Variants in GTF2E1 observed in about 807,000 individuals in gnomAD.
GTF2E1 encodes the protein TFIIE alpha subunit.
In GTF2E1, 14 loss-of-function variants were observed where a neutral mutation model predicts 34.9. That is an observed-to-expected ratio of 0.40 (90% CI 0.27 to 0.63). The LOEUF (loss-of-function observed/expected upper bound fraction) is 0.63, where lower values mean the gene tolerates loss of function less well. GTF2E1 is among the 20% of genes least tolerant of loss of function. GTF2E1 has a pLI of 0.39. For missense variants in GTF2E1, 469 were observed against 557.7 expected (o/e 0.84, Z 1.60); for synonymous variants, 188 against 192.9 (o/e 0.97, Z 0.21).
intron 2 of GTF2E1, among the ~76,000 whole-genome samples, chr3:120,759,181 A>AT (rs781227802): frequency 3.9e-5 from 6 of 152,222 alleles, no homozygotes; most frequent in Non-Finnish European, 5.9e-5. Flanking sequence ...GATGATGAGC[A>AT]TTTTTTCATA....
At chr3:120,743,273 G>GTT (rs1243714701) in intron 1 of GTF2E1, among the ~76,000 whole-genome samples, 1 of 152,162 alleles carries the variant, frequency 6.6e-6, no homozygotes, top group African/African-American at 2.4e-5. Context: ...CACTTTTCTT[G>GTT]TTTTTTTCTC....
intron 4 of GTF2E1, among the ~76,000 whole-genome samples, chr3:120,780,571 TG>T (rs1277872585): frequency 6.6e-6 from 1 of 152,200 alleles, no homozygotes; most frequent in Non-Finnish European, 1.5e-5. Flanking sequence ...CCAGATGATG[TG>T]GGACCCTATA....
intron 3 of GTF2E1, among the ~76,000 whole-genome samples, chr3:120,772,242 A>G (rs536804957): frequency 4.7e-4 from 72 of 152,248 alleles, no homozygotes; most frequent in Admixed American, 1.4e-3. Flanking sequence ...ACTGGCTGCA[A>G]TTGTTTTATA....
At chr3:120,752,614 C>T (rs1316292072) in intron 2 of GTF2E1, among the ~76,000 whole-genome samples, 1 of 152,090 alleles carries the variant, frequency 6.6e-6, no homozygotes, top group Non-Finnish European at 1.5e-5. Context: ...TGAATTTCAC[C>T]TGGATTCTGA....
At position 120,751,003 on chromosome 3, in the gene GTF2E1, G is replaced by T. The variant is rs2107605562; in HGVS notation, c.448+3G>T. On this transcript the variant is annotated splice_donor_region_variant and intron_variant, in intron 2 of 4. Coordinates refer to ENST00000283875, the MANE Select transcript of GTF2E1 (RefSeq NM_005513.3). Reference sequence around the variant, plus strand: ...TCAGCTCTTTGATCCTATGACAGGTGAGGTTTATCCAGTTTGTGAATCTTT... The same window carrying T: ...TCAGCTCTTTGATCCTATGACAGGTTAGGTTTATCCAGTTTGTGAATCTTT... 6.3e-7 allele frequency: 1 copy of T among 1,589,678 alleles called. No homozygotes were observed. Among genetic ancestry groups the T allele is most frequent in the East Asian group, 2.2e-5 (1 of 44,702 alleles).
intron 4 of GTF2E1, among the ~76,000 whole-genome samples, chr3:120,780,246 A>AG (rs1218972582): frequency 1.3e-5 from 2 of 152,216 alleles, no homozygotes; most frequent in Non-Finnish European, 2.9e-5. Context: ...ATCCTTGGAA[A>AG]GGGGGTGACA....
At chr3:120,770,690 GTCT>G in intron 2 of GTF2E1, 35 bp from the exon 3 acceptor site, 1 of 1,466,116 alleles carries the variant, frequency 6.8e-7, no homozygotes, top group East Asian at 2.3e-5. Flanking sequence ...ATCTGCTAAA[GTCT>G]TCTCTCTGAC....
chr3:120,756,276 T>C lies in GTF2E1; in HGVS notation c.448+5276T>C, dbSNP rs1023704443. Reference sequence around the variant, plus strand: ...TCCACGTTCTTGCCAGCATTTGTTATTGCCAGGACAGGAGGTATCTTATAA... The same window carrying C: ...TCCACGTTCTTGCCAGCATTTGTTACTGCCAGGACAGGAGGTATCTTATAA... On this transcript the variant is annotated intron_variant, in intron 2 of 4. Transcript: ENST00000283875. 1.2e-4 allele frequency among the ~76,000 whole-genome samples: 18 copies of C among 152,184 alleles called. No individual in the cohort carries two copies. In the South Asian group the frequency reaches 1.2e-3, roughly 10 times the overall value.
At chr3:120,758,569 C>T (rs1020039315) in intron 2 of GTF2E1, among the ~76,000 whole-genome samples, 7 of 121,086 alleles carry the variant, frequency 5.8e-5, no homozygotes, top group African/African-American at 1.8e-4. Context: ...TAATCCCTCC[C>T]CCAGCCTCCC....
intron 2 of GTF2E1, among the ~76,000 whole-genome samples, chr3:120,761,286 T>G (rs1324380145): frequency 6.6e-6 from 1 of 152,232 alleles, no homozygotes; most frequent in Non-Finnish European, 1.5e-5. Flanking sequence ...CGTTTTTTAT[T>G]GCATCTATTT....
At chr3:120,748,683 G>T (rs1021605986) in intron 1 of GTF2E1, among the ~76,000 whole-genome samples, 1 of 152,178 alleles carries the variant, frequency 6.6e-6, no homozygotes, top group Non-Finnish European at 1.5e-5. Context: ...GTCAGGTAGC[G>T]TGATGCCTCC....
chr3:120,773,166 T>C (rs1173910059), intron 3 of GTF2E1, among the ~76,000 whole-genome samples: 1 of 152,056 alleles, frequency 6.6e-6, no homozygotes, highest in Non-Finnish European at 1.5e-5. Context: ...ACCATTAGGT[T>C]AGAAGATGTT....
chr3:120,763,724 A>T (rs2107609617), intron 2 of GTF2E1, among the ~76,000 whole-genome samples: 1 of 152,218 alleles, frequency 6.6e-6, no homozygotes, highest in South Asian at 2.1e-4. Context: ...GCATGCCATT[A>T]TCTCTTGCTT....
At chr3:120,747,861 A>C (rs981856423) in intron 1 of GTF2E1, among the ~76,000 whole-genome samples, 2 of 152,158 alleles carry the variant, frequency 1.3e-5, no homozygotes, top group Non-Finnish European at 2.9e-5. Flanking sequence ...TATAGTCCCA[A>C]CAACAGTGTA....
chr3:120,764,978 G>A (rs73183720), intron 2 of GTF2E1, among the ~76,000 whole-genome samples: 3,190 of 146,762 alleles, frequency 0.022, 52 homozygotes, highest in Middle Eastern at 0.055. Flanking sequence ...TTCAAATTTC[G>A]CTGAGCATTA....
intron 1 of GTF2E1, among the ~76,000 whole-genome samples, chr3:120,747,546 A>G (rs955611966): frequency 1.1e-4 from 16 of 152,160 alleles, no homozygotes; most frequent in East Asian, 1.9e-4. Flanking sequence ...ATGGTTTCCA[A>G]TTTCATCCAT....
intron 4 of GTF2E1, among the ~76,000 whole-genome samples, chr3:120,779,245 A>G (rs1326096033): frequency 6.6e-6 from 1 of 152,210 alleles, no homozygotes; most frequent in African/African-American, 2.4e-5. Context: ...TCCCTAATTT[A>G]ATACTTAAAC....
chr3:120,760,660 T>C (rs1216352494), intron 2 of GTF2E1, among the ~76,000 whole-genome samples: 1 of 152,224 alleles, frequency 6.6e-6, no homozygotes, highest in African/African-American at 2.4e-5. Flanking sequence ...GTCAAAGACC[T>C]TTTCTGCATC....
intron 1 of GTF2E1, among the ~76,000 whole-genome samples, chr3:120,744,806 G>A (rs992177287): frequency 2.0e-5 from 3 of 152,074 alleles, no homozygotes; most frequent in Non-Finnish European, 4.4e-5. Context: ...CTAAATAGGG[G>A]ATTTATTATG....
Sources: gnomAD v4.1 joint callset for allele counts (sites outside exome capture counted in the v4.1 genomes callset) on GRCh38, gnomAD v4.1.1 for gene constraint, MANE v1.5 for transcripts, NCBI Gene and HGNC (gene_info 2026-07-23, HGNC 2026-07-21) for gene names.